The following ANKAR variants were observed in gnomAD, a reference collection of about 807,000 sequenced individuals.
ANKAR encodes ankyrin and armadillo repeat-containing protein.
ANKAR carries 136 observed loss-of-function variants against 146.2 expected under a neutral mutation model. That is an observed-to-expected ratio of 0.93 (90% CI 0.81 to 1.07). The LOEUF (loss-of-function observed/expected upper bound fraction) is 1.07, where lower values mean the gene tolerates loss of function less well. Ranked by LOEUF, ANKAR falls within the 50% of genes least tolerant of loss-of-function variation. ANKAR has a pLI of 0.00. For missense variants in ANKAR, 1,567 were observed against 1,679.9 expected (o/e 0.93, Z 1.18); for synonymous variants, 500 against 575.8 (o/e 0.87, Z 1.88).
Position 189,759,415 on chromosome 2 carries a change from A to AT in ANKAR, c.*585-1675dup, listed in dbSNP as rs564020719. On this transcript the variant is annotated intron_variant and NMD_transcript_variant, in intron 18 of 18. Transcript: ENST00000441800. ...AGGCGTCCGCCACCACGCCTGGCTAATTTTTTTTGTATTTTTAGTAGAGAT... is the reference window on the plus strand; with the variant it reads ...AGGCGTCCGCCACCACGCCTGGCTAATTTTTTTTTGTATTTTTAGTAGAGAT... 7.5e-3 allele frequency among the ~76,000 whole-genome samples: 1,145 copies of AT among 151,874 alleles called. 10 individuals carry two copies. The highest frequency in any genetic ancestry group is 0.031 in the Middle Eastern group (9 of 294).
chr2:189,705,467 A>G (rs1348623472), intron 8 of ANKAR, among the ~76,000 whole-genome samples: 1 of 152,232 alleles, frequency 6.6e-6, no homozygotes, highest in Non-Finnish European at 1.5e-5. Flanking sequence ...GAGAGCTTCT[A>G]TTAACCTATG....
chr2:189,737,090 A>G (rs1271307986), intron 17 of ANKAR, among the ~76,000 whole-genome samples: 1 of 141,826 alleles, frequency 7.1e-6, no homozygotes, highest in Non-Finnish European at 1.5e-5. Flanking sequence ...AAAAAGAAAA[A>G]GAAAAAAAAA....
At chr2:189,728,451 T>C in intron 14 of ANKAR, 31 bp downstream of exon 14, 1 of 1,523,654 alleles carries the variant, frequency 6.6e-7, no homozygotes, top group East Asian at 2.3e-5. Context: ...TATTTTTATT[T>C]TTTAGAGACA....
chr2:189,732,589 A>C (rs2042509236), intron 16 of ANKAR, among the ~76,000 whole-genome samples: 1 of 137,330 alleles, frequency 7.3e-6, no homozygotes, highest in African/African-American at 2.7e-5. Context: ...TGAACCCAGG[A>C]GGTGGAGGTT....
intron 10 of ANKAR, among the ~76,000 whole-genome samples, chr2:189,716,198 T>C (rs2040439173): frequency 6.6e-6 from 1 of 152,208 alleles, no homozygotes; most frequent in African/African-American, 2.4e-5. Flanking sequence ...CCCCACTGTC[T>C]CAGTCCAAAA....
In ANKAR at chr2:189,737,842, G is replaced by GTA. The variant is rs2042989188; in HGVS notation, c.3582+4_3582+5dup. On this transcript the variant is annotated splice_donor_variant, in intron 18 of 22. Coordinates refer to ENST00000684021, the MANE Select transcript of ANKAR (RefSeq NM_001378068.1). LOFTEE classifies it high-confidence loss of function. ...TGAGAAGGCAATGGCAGCATTTCAGGTATAAAATTGAGATTAACACCTCAA... is the reference window on the plus strand; with the variant it reads ...TGAGAAGGCAATGGCAGCATTTCAGGTATATAAAATTGAGATTAACACCTCAA... 2.0e-6 allele frequency: 3 copies of GTA among 1,536,312 alleles called. No homozygotes were observed. In the South Asian group the frequency reaches 3.8e-5, roughly 19 times the overall value.
chr2:189,686,775 GTTAAC>G (rs767638559), intron 2 of ANKAR, among the ~76,000 whole-genome samples: 3 of 152,058 alleles, frequency 2.0e-5, no homozygotes, highest in Admixed American at 6.6e-5. Context: ...TATTGGCATT[GTTAAC>G]TTAAGAATCA....
At chr2:189,691,085 T>C (rs2036314643) in intron 3 of ANKAR, among the ~76,000 whole-genome samples, 1 of 152,240 alleles carries the variant, frequency 6.6e-6, no homozygotes, top group South Asian at 2.1e-4. Flanking sequence ...AGGCAGAGTC[T>C]TGCTCTGTCA....
chr2:189,737,390 C>T (rs2042955693), intron 17 of ANKAR, among the ~76,000 whole-genome samples: 1 of 92,292 alleles, frequency 1.1e-5, no homozygotes, highest in African/African-American at 4.0e-5. Flanking sequence ...AAATATAGTA[C>T]AATGGAATTT....
At chr2:189,680,427 T>G (rs1369674409) in intron 2 of ANKAR, among the ~76,000 whole-genome samples, 3 of 152,132 alleles carry the variant, frequency 2.0e-5, no homozygotes, top group Non-Finnish European at 4.4e-5. Flanking sequence ...TTTTCTTCTT[T>G]CAATTTCATT....
At chr2:189,729,695 C>CAT (rs1553528976) in intron 15 of ANKAR, among the ~76,000 whole-genome samples, 9 of 94,206 alleles carry the variant, frequency 9.6e-5, no homozygotes, top group Non-Finnish European at 2.3e-4. Flanking sequence ...ATCAGCTGTG[C>CAT]GTGTGTGTGT....
intron 16 of ANKAR, among the ~76,000 whole-genome samples, chr2:189,731,693 T>C (rs1312197441): frequency 1.3e-5 from 2 of 151,892 alleles, no homozygotes; most frequent in Non-Finnish European, 2.9e-5. Flanking sequence ...AATCTGTATT[T>C]ATTTATTTAA....
At chr2:189,758,767 G>C (rs2046482167) in intron 18 of ANKAR, among the ~76,000 whole-genome samples, 1 of 152,194 alleles carries the variant, frequency 6.6e-6, no homozygotes, top group Non-Finnish European at 1.5e-5. Flanking sequence ...TTGGCACTTA[G>C]ACTCTACTGA....
intron 16 of ANKAR, 44 bp from the exon 17 acceptor site, chr2:189,733,063 A>C: frequency 6.4e-7 from 1 of 1,567,810 alleles, no homozygotes. Context: ...GTGTAATTTC[A>C]TAAAGCATAA....
chr2:189,696,014 T>C, intron 6 of ANKAR, 136 bp from the exon 7 acceptor site: 4 of 685,890 alleles, frequency 5.8e-6, no homozygotes. Context: ...AAACTTTCCA[T>C]GCATGGATCT....
chr2:189,723,487 T>A (rs2041534793), intron 12 of ANKAR, among the ~76,000 whole-genome samples: 1 of 152,206 alleles, frequency 6.6e-6, no homozygotes, highest in Admixed American at 6.5e-5. Flanking sequence ...AAAATGCTTT[T>A]TCAGTTTCAA....
chr2:189,696,469 T>A, intron 7 of ANKAR, 100 bp downstream of exon 7: 1 of 1,140,630 alleles, frequency 8.8e-7, no homozygotes, highest in Non-Finnish European at 1.2e-6. Flanking sequence ...AATTTGGTAT[T>A]AACTAGAGCA....
chr2:189,744,294 C>G (rs962310713), intron 21 of ANKAR, among the ~76,000 whole-genome samples: 1 of 152,016 alleles, frequency 6.6e-6, no homozygotes, highest in Non-Finnish European at 1.5e-5. Flanking sequence ...ATTTTATAAG[C>G]CAGGGAAGCT....
chr2:189,714,075 A>G (rs1234934186), intron 10 of ANKAR, among the ~76,000 whole-genome samples: 1 of 152,224 alleles, frequency 6.6e-6, no homozygotes, highest in Non-Finnish European at 1.5e-5. Context: ...TCCTAAATAT[A>G]TATGCACCCA....
Sources: allele counts gnomAD v4.1 joint callset (sites outside exome capture counted in the v4.1 genomes callset), GRCh38; gene constraint gnomAD v4.1.1; transcripts MANE v1.5; gene names NCBI Gene and HGNC (gene_info 2026-07-23, HGNC 2026-07-21).